The following SLC15A1 variants were observed in gnomAD, a reference collection of about 807,000 sequenced individuals.
The protein encoded by SLC15A1 is Caco-2 oligopeptide transporter.
A neutral mutation model predicts 92.9 loss-of-function variants in SLC15A1; 83 were observed. That is an observed-to-expected ratio of 0.89 (90% CI 0.75 to 1.07). The LOEUF (loss-of-function observed/expected upper bound fraction) is 1.07, where lower values mean the gene tolerates loss of function less well. SLC15A1 is among the 50% of genes least tolerant of loss of function. SLC15A1 has a pLI of 0.00. For missense variants in SLC15A1, 857 were observed against 880.1 expected (o/e 0.97, Z 0.33); for synonymous variants, 322 against 318.2 (o/e 1.01, Z -0.13).
At position 98,693,838 on chromosome 13, in the gene SLC15A1, C is replaced by T. The variant is rs2088001508; in HGVS notation, c.1467-5261G>A. Among the ~76,000 whole-genome samples the T allele has an allele frequency of 2.6e-5, 4 of 152,190 alleles. No individual in the cohort carries two copies. The South Asian group carries it at 8.3e-4, about 32-fold the overall frequency. On this transcript the variant is annotated intron_variant, in intron 18 of 22. Transcript: ENST00000376503. ...ACCTCAGGACCCCAAAATCACTATG[C>T]CAAAGGGAAAGCGAAGCTTGGGAAC...
chr13:98,710,556 C>T (rs982876471), intron 11 of SLC15A1, among the ~76,000 whole-genome samples: 1 of 152,104 alleles, frequency 6.6e-6, no homozygotes, highest in African/African-American at 2.4e-5. Flanking sequence ...TGGCTCACAC[C>T]TATAATTCCA....
intron 1 of SLC15A1, among the ~76,000 whole-genome samples, chr13:98,743,748 A>G (rs147907886): frequency 2.8e-4 from 42 of 152,314 alleles, no homozygotes; most frequent in African/African-American, 1.0e-3. Flanking sequence ...TTTTTAGTCT[A>G]GAAGAACACC....
At chr13:98,721,618 G>C in intron 6 of SLC15A1, 33 bp from the exon 7 acceptor site, 1 of 1,493,518 alleles carries the variant, frequency 6.7e-7, no homozygotes, top group East Asian at 2.3e-5. Flanking sequence ...AGATGACTTT[G>C]GCTATCAATC....
rs147265791 is a variant in SLC15A1, at chr13:98,705,367, C to T, written c.1269+767G>A. Among the ~76,000 whole-genome samples, 131 of 152,114 alleles carry T rather than the reference C, an allele frequency of 8.6e-4. 1 individual carries two copies. In the East Asian group the frequency reaches 9.8e-3, roughly 11 times the overall value. ...TCCTTGGCACTGTGAACATTTGGGT[C>T]ACGTAATCTTTGTTATGGAGAGCTG... On this transcript the variant is annotated intron_variant, in intron 16 of 22. Coordinates refer to ENST00000376503, the MANE Select transcript of SLC15A1 (RefSeq NM_005073.4).
chr13:98,733,761 C>G (rs1566457243), intron 1 of SLC15A1, among the ~76,000 whole-genome samples: 1 of 152,236 alleles, frequency 6.6e-6, no homozygotes, highest in South Asian at 2.1e-4. Flanking sequence ...TGGCCTTGAT[C>G]AAGGTGCTTA....
Position 98,707,261 on chromosome 13 carries a change from G to A in SLC15A1, c.1150-1008C>T, listed in dbSNP as rs1034702783. Among the ~76,000 whole-genome samples, 4 of 152,202 alleles carry A rather than the reference G, an allele frequency of 2.6e-5. No individual in the cohort carries two copies. The East Asian group carries it at 5.8e-4, about 22-fold the overall frequency. On this transcript the variant is annotated intron_variant, in intron 15 of 22. Transcript: ENST00000376503. Reference sequence around the variant, plus strand: ...GGTGCAGGTAACCCAAGTGCCTGTCGGGGGTGAATGGATGAACAATGTGGT... The same window carrying A: ...GGTGCAGGTAACCCAAGTGCCTGTCAGGGGTGAATGGATGAACAATGTGGT...
At chr13:98,743,704 T>C (rs1482082421) in intron 1 of SLC15A1, among the ~76,000 whole-genome samples, 2 of 150,534 alleles carry the variant, frequency 1.3e-5, no homozygotes, top group African/African-American at 2.4e-5. Flanking sequence ...CAACCCTTGC[T>C]CTCCAAGTTA....
chr13:98,724,542 G>C (rs1267896719), intron 4 of SLC15A1, among the ~76,000 whole-genome samples: 2 of 152,178 alleles, frequency 1.3e-5, no homozygotes, highest in African/African-American at 4.8e-5. Flanking sequence ...AGAGGGCCAG[G>C]AGAGGGGAAA....
At chr13:98,734,923 A>C (rs1407090461) in intron 1 of SLC15A1, among the ~76,000 whole-genome samples, 1 of 152,248 alleles carries the variant, frequency 6.6e-6, no homozygotes, top group African/African-American at 2.4e-5. Flanking sequence ...AGCTGGTACC[A>C]TTCCTTCTGA....
chr13:98,710,082 A>G (rs371950970), intron 11 of SLC15A1, among the ~76,000 whole-genome samples, 171 bp from the exon 12 acceptor site: 4 of 152,352 alleles, frequency 2.6e-5, no homozygotes, highest in East Asian at 1.9e-4. Flanking sequence ...CTAGGTCAAA[A>G]GAAACCAGTT....
At chr13:98,718,951 C>T (rs905898007) in intron 8 of SLC15A1, among the ~76,000 whole-genome samples, 1 of 152,150 alleles carries the variant, frequency 6.6e-6, no homozygotes, top group Admixed American at 6.5e-5. Flanking sequence ...CCATGCTGGG[C>T]CTCTCTCACC....
At chr13:98,726,087 C>T (rs771423960) in intron 4 of SLC15A1, 36 bp downstream of exon 4, 33 of 1,605,612 alleles carry the variant, frequency 2.1e-5, no homozygotes, top group East Asian at 8.9e-5. Flanking sequence ...TTTACTTTTT[C>T]GCTTGTTTGT....
rs757669301 is a variant in SLC15A1, at chr13:98,711,978, C to T, written c.811-35G>A. ...GAGTGGGGAAGGGACAAATCAGCCACACCCTGTGTCCTGTGCCACTCACGG... is the reference window on the plus strand; with the variant it reads ...GAGTGGGGAAGGGACAAATCAGCCATACCCTGTGTCCTGTGCCACTCACGG... On this transcript the variant is annotated intron_variant, in intron 10 of 22. Coordinates refer to ENST00000376503, the MANE Select transcript of SLC15A1 (RefSeq NM_005073.4). The T allele has an allele frequency of 4.0e-6, 6 of 1,495,348 alleles. No homozygotes were observed. In the Admixed American group the frequency reaches 8.4e-5, roughly 21 times the overall value. The allele number at this position is 1,495,348 out of a possible 1,614,324, so 92.6% of individuals were successfully genotyped here. A position where few individuals can be genotyped will look rare whatever the true frequency, so the allele number is the denominator to read the frequency against.
At chr13:98,728,210 C>G (rs1873545170) in intron 1 of SLC15A1, among the ~76,000 whole-genome samples, 1 of 152,138 alleles carries the variant, frequency 6.6e-6, no homozygotes. Flanking sequence ...CTTTTCTGTT[C>G]CATTGGTCTA....
intron 1 of SLC15A1, among the ~76,000 whole-genome samples, chr13:98,727,383 A>G (rs2088311283): frequency 6.6e-6 from 1 of 152,124 alleles, no homozygotes; most frequent in South Asian, 2.1e-4. Context: ...CTACATCACC[A>G]TACTGTAATG....
chr13:98,731,741 C>T (rs1452681388), intron 1 of SLC15A1, among the ~76,000 whole-genome samples: 1 of 152,076 alleles, frequency 6.6e-6, no homozygotes, highest in Non-Finnish European at 1.5e-5. Flanking sequence ...TATTTTGTAC[C>T]TGTTATTTGC....
chr13:98,692,101 C>T (rs928363251), intron 18 of SLC15A1, among the ~76,000 whole-genome samples: 12 of 143,880 alleles, frequency 8.3e-5, no homozygotes, highest in Non-Finnish European at 9.1e-5. Flanking sequence ...AAATGGAAAG[C>T]TCTAATATGA....
chr13:98,719,575 T>A (rs1183242003), intron 7 of SLC15A1, among the ~76,000 whole-genome samples: 1 of 152,134 alleles, frequency 6.6e-6, no homozygotes, highest in African/African-American at 2.4e-5. Context: ...AGCGGCCCCC[T>A]CTTGGTTCTG....
At chr13:98,725,994 T>C in intron 4 of SLC15A1, 129 bp downstream of exon 4, 1 of 1,217,820 alleles carries the variant, frequency 8.2e-7, no homozygotes, top group South Asian at 1.5e-5. Flanking sequence ...GTATGAACCA[T>C]ACCACACCTG....
Sources: gnomAD v4.1 joint callset for allele counts (sites outside exome capture counted in the v4.1 genomes callset) on GRCh38, gnomAD v4.1.1 for gene constraint, MANE v1.5 for transcripts, NCBI Gene and HGNC (gene_info 2026-07-23, HGNC 2026-07-21) for gene names.